Variants in DSTYK observed in about 807,000 individuals in gnomAD.
DSTYK encodes the protein RIP-homologous kinase.
Under a neutral mutation model 98.7 loss-of-function variants are expected in DSTYK, and 34 were observed. The observed-to-expected ratio is 0.34, with a 90% CI of 0.26 to 0.46. The LOEUF is 0.46. Among genes scored for constraint, DSTYK ranks in the 20% least tolerant of loss-of-function variants. The probability of loss-of-function intolerance (pLI) is 1.00; values close to 1 mark genes in which losing one functional copy is unlikely to be tolerated. For synonymous variants in DSTYK, 462 were observed against 457.3 expected, an observed-to-expected ratio of 1.01 and a Z score of -0.13; for missense variants, 962 against 1,181.7, an observed-to-expected ratio of 0.81 and a Z score of 2.73.
At chr1:205,202,555 C>T in intron 1 of DSTYK, 1 of 950,564 alleles carries the variant, frequency 1.1e-6, no homozygotes, top group Non-Finnish European at 1.7e-6. Flanking sequence ...GAACAAAGCA[C>T]CTAAGATGCG....
At chr1:205,157,471 A>G in intron 9 of DSTYK, 85 bp from the exon 10 acceptor site, 1 of 1,153,728 alleles carries the variant, frequency 8.7e-7, no homozygotes, top group Non-Finnish European at 1.3e-6. Flanking sequence ...AGGACAGAAA[A>G]GTGATTTTTA....
At position 205,150,408 on chromosome 1, in the gene DSTYK, T is replaced by C. The variant is rs1353238209; in HGVS notation, c.2467+272A>G. On this transcript the variant is annotated intron_variant, in intron 11 of 12. Coordinates refer to ENST00000367162, the MANE Select transcript of DSTYK (RefSeq NM_015375.3). The surrounding 1 kb of genome is among the most constrained non-coding windows in gnomAD (Gnocchi z 4.1). The stretch of plus-strand genomic sequence containing the variant: ...CACAGGAGTTATTCAATCAATACTT[T>C]ATGATTAAATAATTGGCTGATTATG... 1.3e-5 allele frequency among the ~76,000 whole-genome samples: 2 copies of C among 150,798 alleles called. No individual in the cohort carries two copies. The highest frequency in any genetic ancestry group is 2.0e-4 in the East Asian group (1 of 4,904).
At chr1:205,153,807 G>A (rs763733552) in intron 10 of DSTYK, among the ~76,000 whole-genome samples, 5 of 151,176 alleles carry the variant, frequency 3.3e-5, no homozygotes, top group South Asian at 2.1e-4. Context: ...GGGTTCAAGC[G>A]ATTCTCCTGC....
chr1:205,151,187 G>A (rs991739088), intron 10 of DSTYK, among the ~76,000 whole-genome samples: 2 of 152,122 alleles, frequency 1.3e-5, no homozygotes, highest in East Asian at 1.9e-4. Flanking sequence ...AATGGAGCTC[G>A]CAGAAGTGGA....
rs1659366176 is a variant in DSTYK at position 205,211,248 on chromosome 1, T to TC, written c.265+22dup. ...TCCGATTTGCCTCTCCTGCCCTCTC[T>TC]CCCTCCGGGCTGCCCTCCTTACCCG... is the stretch of plus-strand genomic sequence containing the variant. On this transcript the variant is annotated intron_variant, in intron 1 of 12. Coordinates refer to ENST00000367162, the MANE Select transcript of DSTYK (RefSeq NM_015375.3). 3 of 1,581,534 alleles carry TC rather than the reference T, an allele frequency of 1.9e-6. No individual in the cohort carries two copies. The Admixed American group carries it at 5.3e-5, about 28-fold the overall frequency.
chr1:205,210,551 T>C (rs1400776975), intron 1 of DSTYK, among the ~76,000 whole-genome samples: 1 of 152,180 alleles, frequency 6.6e-6, no homozygotes, highest in Non-Finnish European at 1.5e-5. Flanking sequence ...TTTAAGTGTT[T>C]GGGGGCCTCT....
intron 10 of DSTYK, among the ~76,000 whole-genome samples, chr1:205,155,046 G>A (rs61822627): frequency 0.3 from 45,380 of 151,574 alleles, 7,220 homozygotes; most frequent in South Asian, 0.41. Flanking sequence ...GTGCAGTGGC[G>A]CAATCTCAGC....
chr1:205,196,787 G>A lies in DSTYK; in HGVS notation c.266-8981C>T, dbSNP rs1658879997. Among the ~76,000 whole-genome samples the A allele has an allele frequency of 3.3e-5, 4 of 120,166 alleles. No individual in the cohort carries two copies. The Admixed American group carries it at 3.8e-4, about 11-fold the overall frequency. The allele number at this position is 120,166 out of a possible 152,430, so 78.8% of individuals were successfully genotyped here. A position where few individuals can be genotyped will look rare whatever the true frequency, so the allele number is the denominator to read the frequency against. On this transcript the variant is annotated intron_variant, in intron 1 of 12. Transcript: ENST00000367162. Reference sequence around the variant, plus strand: ...TTTTTTTTTTTTTTTTTTTTGAGATGGAGTTTCGTTCTTGTTGCCCAAGCT... The same window carrying A: ...TTTTTTTTTTTTTTTTTTTTGAGATAGAGTTTCGTTCTTGTTGCCCAAGCT...
chr1:205,174,923 G>C (rs1287263615), intron 2 of DSTYK, among the ~76,000 whole-genome samples: 1 of 151,260 alleles, frequency 6.6e-6, no homozygotes, highest in African/African-American at 2.4e-5. Flanking sequence ...TTTTAGTAGA[G>C]ATGGGGTTTC....
intron 7 of DSTYK, 46 bp from the exon 8 acceptor site, chr1:205,160,316 C>T (rs188082031): frequency 1.8e-5 from 28 of 1,531,948 alleles, no homozygotes; most frequent in Non-Finnish European, 2.3e-5. Flanking sequence ...ATGGGAACTT[C>T]GTGGGCAACC....
At chr1:205,183,208 G>C (rs188396188) in intron 2 of DSTYK, among the ~76,000 whole-genome samples, 2 of 152,280 alleles carry the variant, frequency 1.3e-5, no homozygotes, top group East Asian at 3.9e-4. Flanking sequence ...TTGAAGGAAA[G>C]GCAGGAGGGT....
intron 1 of DSTYK, among the ~76,000 whole-genome samples, chr1:205,198,839 T>G (rs1658945227): frequency 6.6e-6 from 1 of 151,308 alleles, no homozygotes; most frequent in South Asian, 2.1e-4. Flanking sequence ...TAAAGCTTTT[T>G]TTTTTTTTTT....
intron 10 of DSTYK, among the ~76,000 whole-genome samples, chr1:205,151,869 T>C (rs986035452): frequency 1.3e-5 from 2 of 152,118 alleles, no homozygotes; most frequent in African/African-American, 4.8e-5. Context: ...CAGCAACACC[T>C]TCTTCTGGAA....
intron 2 of DSTYK, among the ~76,000 whole-genome samples, chr1:205,176,765 A>G (rs2102428110): frequency 6.6e-6 from 1 of 152,238 alleles, no homozygotes; most frequent in Non-Finnish European, 1.5e-5. Flanking sequence ...TTAAATGCCA[A>G]GAAGTAATCA....
At chr1:205,197,909 G>A (rs186519461) in intron 1 of DSTYK, among the ~76,000 whole-genome samples, 1 of 152,154 alleles carries the variant, frequency 6.6e-6, no homozygotes, top group African/African-American at 2.4e-5. Context: ...AAGAAACCAC[G>A]AAGGCCGGGC....
Position 205,159,555 on chromosome 1 carries a change from C to T in DSTYK, c.2230G>A (p.Gly744Arg), listed in dbSNP as rs1376723300. Residue 744 changes from glycine to arginine, a missense_variant, in exon 9 of 13, where the codon GGG becomes AGG. Transcript: ENST00000367162. Reference sequence around the variant, plus strand: ...TCTTGCTCTCTCCTTACCTTCAGCCCTGTGTAGAGATCCCGGTGTAGCCGC... The same window carrying T: ...TCTTGCTCTCTCCTTACCTTCAGCCTTGTGTAGAGATCCCGGTGTAGCCGC... Reference protein sequence around the residue: ...MERLHRDLYTGLKAGLTLETR... With the variant: ...MERLHRDLYTRLKAGLTLETR... 6.2e-7 allele frequency: 1 copy of T among 1,611,310 alleles called. No individual in the cohort carries two copies. The highest frequency in any genetic ancestry group is 8.5e-7 in the Non-Finnish European group (1 of 1,178,952).
chr1:205,178,908 G>A (rs937182233), intron 2 of DSTYK, among the ~76,000 whole-genome samples: 1 of 152,032 alleles, frequency 6.6e-6, no homozygotes, highest in Non-Finnish European at 1.5e-5. Context: ...GCTGATGCAG[G>A]CAGACTGCTT....
At chr1:205,205,144 C>T (rs1280888000) in intron 1 of DSTYK, among the ~76,000 whole-genome samples, 1 of 152,122 alleles carries the variant, frequency 6.6e-6, no homozygotes, top group Non-Finnish European at 1.5e-5. Context: ...AAAACTACAG[C>T]ACTATCTTTA....
At chr1:205,180,369 T>C (rs1658360626) in intron 2 of DSTYK, among the ~76,000 whole-genome samples, 1 of 149,744 alleles carries the variant, frequency 6.7e-6, no homozygotes, top group African/African-American at 2.5e-5. Flanking sequence ...CAGTGTTTGG[T>C]TTTCTGTTCC....
Sources: allele counts gnomAD v4.1 joint callset (sites outside exome capture counted in the v4.1 genomes callset), GRCh38; gene constraint gnomAD v4.1.1; non-coding constraint Gnocchi (gnomAD v3.1); transcripts MANE v1.5; gene names NCBI Gene and HGNC (gene_info 2026-07-23, HGNC 2026-07-21).